TSHZ2: variants seen among roughly 807,000 people sequenced by gnomAD.
The protein encoded by TSHZ2 is teashirt zinc finger homeobox 2, also known as teashirt homolog 2.
In TSHZ2, 21 loss-of-function variants were observed where a neutral mutation model predicts 74.4. The observed-to-expected ratio is 0.28, with a 90% CI of 0.20 to 0.41. TSHZ2 has a LOEUF of 0.41. Among genes scored for constraint, TSHZ2 ranks in the 10% least tolerant of loss-of-function variants. The pLI is 1.00. For missense variants in TSHZ2, 1,244 were observed against 1,293.5 expected, an observed-to-expected ratio of 0.96 and a Z score of 0.59; for synonymous variants, 540 against 515.3, an observed-to-expected ratio of 1.05 and a Z score of -0.65.
intron 1 of TSHZ2, among the ~76,000 whole-genome samples, chr20:53,190,819 C>CA (rs1988719081): frequency 6.6e-6 from 1 of 152,132 alleles, no homozygotes; most frequent in African/African-American, 2.4e-5. Flanking sequence ...ATCTATAAAA[C>CA]AAAAAGTGGG....
chr20:53,410,604 TTATTA>T (rs915737879), intron 2 of TSHZ2, among the ~76,000 whole-genome samples: 2 of 147,716 alleles, frequency 1.4e-5, no homozygotes, highest in Admixed American at 6.8e-5. Context: ...ATTATTATTA[TTATTA>T]TTATTATTAT....
chr20:53,152,443 C>A (rs981096954), intron 1 of TSHZ2, among the ~76,000 whole-genome samples: 1 of 152,102 alleles, frequency 6.6e-6, no homozygotes, highest in Non-Finnish European at 1.5e-5. Context: ...CTGAGCTTGA[C>A]CCTTATTCTA....
chr20:53,314,617 C>A (rs1413001872), intron 2 of TSHZ2, among the ~76,000 whole-genome samples: 1 of 148,982 alleles, frequency 6.7e-6, no homozygotes, highest in Non-Finnish European at 1.5e-5. Flanking sequence ...ATAATGTAGT[C>A]CTAGCTTTTT....
chr20:53,054,471 A>T (rs1984575105), intron 1 of TSHZ2, among the ~76,000 whole-genome samples: 1 of 152,216 alleles, frequency 6.6e-6, no homozygotes, highest in African/African-American at 2.4e-5. Context: ...TTAAGAAAAT[A>T]TTACACAGTG....
intron 1 of TSHZ2, among the ~76,000 whole-genome samples, chr20:53,079,814 T>G (rs1318778679): frequency 9.0e-6 from 1 of 111,386 alleles, no homozygotes; most frequent in Non-Finnish European, 1.8e-5. Flanking sequence ...GTAACCTTTT[T>G]CTTTTTCTGT....
Position 53,455,495 on chromosome 20 carries a change from T to C in TSHZ2, c.*9-31649T>C, listed in dbSNP as rs1395330489. ...AGTTTTGCTACTTCACCTGGTCTAG[T>C]GGTCATCGGGCATTATTATTTCATA... On this transcript the variant is annotated intron_variant, in intron 2 of 2. Coordinates refer to ENST00000371497, the MANE Select transcript of TSHZ2 (RefSeq NM_173485.6). The C allele has an allele frequency of 5.9e-5, 9 of 152,210 alleles. No individual in the cohort carries two copies. The East Asian group carries it at 1.3e-3, about 23-fold the overall frequency. The allele number at this position is 152,210 out of a possible 1,614,324, so 9.4% of individuals were successfully genotyped here.
chr20:53,337,516 G>C (rs1402386472), intron 2 of TSHZ2, among the ~76,000 whole-genome samples: 1 of 152,168 alleles, frequency 6.6e-6, no homozygotes, highest in Non-Finnish European at 1.5e-5. Context: ...GCTGGAGTAT[G>C]TTGTTCCTCA....
intron 1 of TSHZ2, among the ~76,000 whole-genome samples, chr20:53,147,469 C>G (rs1289507169): frequency 6.6e-6 from 1 of 152,134 alleles, no homozygotes; most frequent in African/African-American, 2.4e-5. Context: ...AGTCTAGAAA[C>G]TTAAATGTTC....
intron 1 of TSHZ2, among the ~76,000 whole-genome samples, chr20:53,134,001 G>A (rs1269148194): frequency 1.4e-5 from 2 of 146,132 alleles, no homozygotes; most frequent in African/African-American, 2.6e-5. Flanking sequence ...ACGTTTCATG[G>A]GCAAGACCTT....
At chr20:53,317,886 G>C (rs1979088210) in intron 2 of TSHZ2, among the ~76,000 whole-genome samples, 1 of 152,180 alleles carries the variant, frequency 6.6e-6, no homozygotes, top group Non-Finnish European at 1.5e-5. Context: ...TCCCTACTTT[G>C]GGTCAGCCCC....
Position 53,254,533 on chromosome 20 carries a change from C to T in TSHZ2, c.1075C>T (p.Arg359Cys), listed in dbSNP as rs777536124. The change falls in exon 2 of 3, where the codon CGC becomes TGC. Residue 359 changes from arginine (R) to cysteine (C), a missense_variant. This residue lies in a region of TSHZ2 where 470 missense variants were observed against 456.5 expected (regional missense o/e 1.03). Coordinates refer to ENST00000371497, the MANE Select transcript of TSHZ2 (RefSeq NM_173485.6). Reference protein sequence around the residue: ...NANLQLSSNNRYGYQNGASYT... With the variant: ...NANLQLSSNNCYGYQNGASYT... ...CAACTTGCAGTTGTCCTCCAACAAC[C>T]GCTATGGCTACCAAAATGGAGCCAG... The T allele has an allele frequency of 3.1e-5, 50 of 1,613,784 alleles. No homozygotes were observed. The highest frequency in any genetic ancestry group is 3.6e-5 in the Non-Finnish European group (43 of 1,179,850).
chr20:53,063,655 G>A (rs1231009640), intron 1 of TSHZ2, among the ~76,000 whole-genome samples: 2 of 152,198 alleles, frequency 1.3e-5, no homozygotes, highest in Admixed American at 1.3e-4. Flanking sequence ...TAGAAAATGT[G>A]TGTTTGCTTG....
At chr20:53,455,464 A>T (rs1211163606) in intron 2 of TSHZ2, 1 of 152,198 alleles carries the variant, frequency 6.6e-6, no homozygotes, top group Non-Finnish European at 1.5e-5. Flanking sequence ...AGCAAAAAAT[A>T]CACAAAGTTT....
chr20:53,001,151 C>G (rs1019801827), intron 1 of TSHZ2, among the ~76,000 whole-genome samples: 2 of 151,052 alleles, frequency 1.3e-5, no homozygotes, highest in South Asian at 4.2e-4. Context: ...TCTATGAACC[C>G]CAGAGAGACC....
intron 2 of TSHZ2, among the ~76,000 whole-genome samples, chr20:53,303,042 G>T (rs750067026): frequency 6.6e-6 from 1 of 152,146 alleles, no homozygotes; most frequent in Admixed American, 6.5e-5. Context: ...CCAACCACAT[G>T]TACCTTATAA....
At chr20:53,376,787 A>G (rs1981673854) in intron 2 of TSHZ2, among the ~76,000 whole-genome samples, 1 of 152,238 alleles carries the variant, frequency 6.6e-6, no homozygotes, top group Admixed American at 6.5e-5. Context: ...GGTGGTCTCA[A>G]CACAGTCAGA....
At chr20:53,008,840 A>C (rs984443861) in intron 1 of TSHZ2, among the ~76,000 whole-genome samples, 4 of 152,190 alleles carry the variant, frequency 2.6e-5, no homozygotes, top group Non-Finnish European at 2.9e-5. Context: ...AGTCTTATAC[A>C]TATTATGTTT....
rs866585907 is a variant in TSHZ2 at position 53,333,835 on chromosome 20, G to A, written c.*8+77264G>A. Among the ~76,000 whole-genome samples, 5 of 152,332 alleles carry A rather than the reference G, an allele frequency of 3.3e-5. No homozygotes were observed. In the South Asian group the frequency reaches 1.0e-3, roughly 32 times the overall value. On this transcript the variant is annotated intron_variant, in intron 2 of 2. Coordinates refer to ENST00000371497, the MANE Select transcript of TSHZ2 (RefSeq NM_173485.6). ...CTAGGATGCAGCGACTGCATCTCTA[G>A]CATGGGCAGGAAGGTGACTCTTGCA...
chr20:53,410,319 T>C (rs1983008163), intron 2 of TSHZ2, among the ~76,000 whole-genome samples: 1 of 152,096 alleles, frequency 6.6e-6, no homozygotes, highest in African/African-American at 2.4e-5. Context: ...TCCACCAGCT[T>C]CCTCATCAAA....
Sources: allele counts gnomAD v4.1 joint callset (sites outside exome capture counted in the v4.1 genomes callset), GRCh38; gene constraint gnomAD v4.1.1; regional missense constraint gnomAD v4.1.1; transcripts MANE v1.5; gene names NCBI Gene and HGNC (gene_info 2026-07-23, HGNC 2026-07-21).